Variants in CLUAP1 observed in about 807,000 individuals in gnomAD.
The protein encoded by CLUAP1 is intraflagellar transport 38.
In CLUAP1, 50 loss-of-function variants were observed where a neutral mutation model predicts 55.0. The ratio of observed to expected loss-of-function variants is 0.91; its 90% CI spans 0.72 to 1.15. The LOEUF (loss-of-function observed/expected upper bound fraction) is 1.15. Ranked by LOEUF, CLUAP1 falls within the 50% of genes most tolerant of loss-of-function variation. CLUAP1 has a pLI of 0.00. For synonymous variants in CLUAP1, 195 were observed against 175.4 expected (o/e 1.11, Z -0.88); for missense variants, 530 against 507.6 (o/e 1.04, Z -0.42).
Position 3,532,861 on chromosome 16 carries a change from CAG to C in CLUAP1, c.1092+21_1092+22del. 3 of 1,613,608 alleles carry C rather than the reference CAG, an allele frequency of 1.9e-6. No individual in the cohort carries two copies. In the South Asian group the frequency reaches 3.3e-5, roughly 18 times the overall value. On this transcript the variant is annotated intron_variant, in intron 11 of 11. Coordinates refer to ENST00000576634, the MANE Select transcript of CLUAP1 (RefSeq NM_015041.3). ...GACAATGTAAGTCCCCCGCTCCCCT[CAG>C]TGGTTCTGTGCACTCTGGGTTTGGC...
intron 2 of CLUAP1, among the ~76,000 whole-genome samples, chr16:3,505,570 A>G (rs938964418): frequency 1.8e-4 from 27 of 147,420 alleles, no homozygotes; most frequent in Admixed American, 4.7e-4. Flanking sequence ...AAAAAAAAAA[A>G]TCAGTGGAGT....
chr16:3,529,633 TTATTATA>T lies in CLUAP1; in HGVS notation c.929-921_929-915del, dbSNP rs1168500649. 5.7e-3 allele frequency among the ~76,000 whole-genome samples: 71 copies of T among 12,352 alleles called. 5 individuals are homozygous for T. The highest frequency in any genetic ancestry group is 0.029 in the African/African-American group (65 of 2,274). The allele number at this position is 12,352 out of a possible 152,430, so 8.1% of individuals were successfully genotyped here. A position where few individuals can be genotyped will look rare whatever the true frequency, so the allele number is the denominator to read the frequency against. On this transcript the variant is annotated intron_variant, in intron 9 of 11. Transcript: ENST00000576634. ...ATTATATAATATTATATATTATATA[TTATTATA>T]TATTATATATTATTATATATTATAT...
intron 2 of CLUAP1, 55 bp from the exon 3 acceptor site, chr16:3,506,276 T>C: frequency 7.1e-7 from 1 of 1,405,946 alleles, no homozygotes; most frequent in Admixed American, 1.7e-5. Flanking sequence ...ACATTCTCTT[T>C]AGTAGACTTT....
At chr16:3,497,918 A>G (rs753885171), upstream of CLUAP1, among the ~76,000 whole-genome samples, 7 of 152,090 alleles carry the variant, frequency 4.6e-5, no homozygotes, top group Non-Finnish European at 8.8e-5. Context: ...CCACCTCCCA[A>G]AGTGCTGGGG....
Position 3,507,680 on chromosome 16 carries a change from TTGTGTGTGTGTGTG to T in CLUAP1, c.220-584_220-571del, listed in dbSNP as rs61672090. On this transcript the variant is annotated intron_variant, in intron 3 of 11. Coordinates refer to ENST00000576634, the MANE Select transcript of CLUAP1 (RefSeq NM_015041.3). ...CACTATTTTAAATCTCTTCCAGAGT[TTGTGTGTGTGTGTG>T]TGTGTGTGTGTGTGTGTGTGTGTGC... Among the ~76,000 whole-genome samples the T allele has an allele frequency of 9.3e-4, 133 of 143,082 alleles. 1 individual carries two copies. Among genetic ancestry groups the T allele is most frequent in the Middle Eastern group, 3.4e-3 (1 of 290 alleles). The allele number at this position is 143,082 out of a possible 152,430, so 93.9% of individuals were successfully genotyped here.
rs755545154 is a variant in CLUAP1, at chr16:3,519,877, G to T, written c.580-26G>T. On this transcript the variant is annotated intron_variant, in intron 6 of 11. Coordinates refer to ENST00000576634, the MANE Select transcript of CLUAP1 (RefSeq NM_015041.3). The stretch of plus-strand genomic sequence containing the variant: ...GGATGGCTGTTTTTATTGCCACCTT[G>T]TCTCATTATTTCCCATTAAATATAG... 9 of 1,561,240 alleles carry T rather than the reference G, an allele frequency of 5.8e-6. No homozygotes were observed. The South Asian group carries it at 1.1e-4, about 19-fold the overall frequency.
rs932903400 is a variant in CLUAP1 at position 3,533,328 on chromosome 16, C to T, written c.1092+487C>T. 6.8e-5 allele frequency: 41 copies of T among 600,334 alleles called. No individual in the cohort carries two copies. In the Middle Eastern group the frequency reaches 1.3e-3, roughly 20 times the overall value. 37.2% of individuals were successfully genotyped at this position (600,334 alleles called of 1,614,324 possible). On this transcript the variant is annotated intron_variant, in intron 11 of 11. Transcript: ENST00000576634. ...GAAGGCCCCTGTGCTAAAGTGGAGG[C>T]GCAGGCACGGAGCCTGGAGGCGGGG... is the stretch of plus-strand genomic sequence containing the variant.
At position 3,535,915 on chromosome 16, in the gene CLUAP1, T is replaced by A. The variant is rs947124931; in HGVS notation, c.1093-207T>A. 8.5e-6 allele frequency: 5 copies of A among 589,870 alleles called. No individual in the cohort carries two copies. The African/African-American group carries it at 9.3e-5, about 11-fold the overall frequency. 36.5% of individuals were successfully genotyped at this position (589,870 alleles called of 1,614,324 possible). A position where few individuals can be genotyped will look rare whatever the true frequency, so the allele number is the denominator to read the frequency against. On this transcript the variant is annotated intron_variant, in intron 11 of 11. Transcript: ENST00000576634. ...ACCACACCCAGATGCACCTGCAGTT[T>A]GGAGGATTCTGGTTGGATGATAAAT...
intron 3 of CLUAP1, among the ~76,000 whole-genome samples, chr16:3,507,679 T>TG (rs1491413265): frequency 2.3e-4 from 31 of 132,054 alleles, no homozygotes; most frequent in East Asian, 8.7e-4. Flanking sequence ...TCTTCCAGAG[T>TG]TTGTGTGTGT....
chr16:3,501,088 C>G lies in CLUAP1; in HGVS notation c.21C>G (p.Arg7=). The change falls in exon 1 of 12, where the codon CGC becomes CGG. Residue 7 remains arginine, a splice_region_variant and synonymous_variant. Coordinates refer to ENST00000576634, the MANE Select transcript of CLUAP1 (RefSeq NM_015041.3). ...GCGTTATGTCTTTCCGCGACCTCCG[C>G]AGTAAGGCAGCCCCGCGCCCCTGTG... MSFRDL[R]NFTEMMRALG... 1 of 1,595,190 alleles carries G rather than the reference C, an allele frequency of 6.3e-7. No individual in the cohort carries two copies. The highest frequency in any genetic ancestry group is 1.1e-5 in the South Asian group (1 of 89,392).
intron 4 of CLUAP1, among the ~76,000 whole-genome samples, chr16:3,511,817 G>T (rs74005825): frequency 0.066 from 10,024 of 152,276 alleles, 708 homozygotes; most frequent in African/African-American, 0.17. Flanking sequence ...AACTGGGGAA[G>T]CACATGTTTG....
chr16:3,531,850 T>C (rs1359537622), intron 10 of CLUAP1, among the ~76,000 whole-genome samples: 2 of 152,058 alleles, frequency 1.3e-5, no homozygotes, highest in African/African-American at 4.8e-5. Flanking sequence ...AATTTTTTTT[T>C]TTTTTCTTTT....
Position 3,506,319 on chromosome 16 carries a change from C to T in CLUAP1, c.135-12C>T, listed in dbSNP as rs1426324390. ...GTTAACCCGTGCTCTCTCCTCTTACCTCTCTTGATAGATATGAGCCCCAGA... is the reference window on the plus strand; with the variant it reads ...GTTAACCCGTGCTCTCTCCTCTTACTTCTCTTGATAGATATGAGCCCCAGA... On this transcript the variant is annotated splice_polypyrimidine_tract_variant and intron_variant, in intron 2 of 11. Coordinates refer to ENST00000576634, the MANE Select transcript of CLUAP1 (RefSeq NM_015041.3). The T allele has an allele frequency of 6.2e-7, 1 of 1,610,190 alleles. No individual in the cohort carries two copies. The highest frequency in any genetic ancestry group is 8.5e-7 in the Non-Finnish European group (1 of 1,176,472).
chr16:3,508,242 T>C, intron 3 of CLUAP1, 47 bp from the exon 4 acceptor site: 4 of 1,540,332 alleles, frequency 2.6e-6, no homozygotes, highest in Non-Finnish European at 3.5e-6. Context: ...GTTTAGACAT[T>C]ACATGGAAAG....
intron 9 of CLUAP1, among the ~76,000 whole-genome samples, chr16:3,528,839 A>G (rs76647063): frequency 0.013 from 2,030 of 152,144 alleles, 51 homozygotes; most frequent in African/African-American, 0.047. Context: ...CATTTGTGGA[A>G]AAGACTATTA....
At chr16:3,516,518 G>A (rs1234657609) in intron 6 of CLUAP1, among the ~76,000 whole-genome samples, 1 of 152,086 alleles carries the variant, frequency 6.6e-6, no homozygotes, top group Non-Finnish European at 1.5e-5. Context: ...GGATAATGGA[G>A]CCACGTTCCT....
upstream of CLUAP1, chr16:3,496,382 C>T (rs1011113916): frequency 5.8e-6 from 7 of 1,201,018 alleles, no homozygotes; most frequent in African/African-American, 6.1e-5. Flanking sequence ...CAACCGGCCA[C>T]CTCTGTCCGT....
chr16:3,518,094 C>T (rs1048055254), intron 6 of CLUAP1, among the ~76,000 whole-genome samples: 5 of 152,092 alleles, frequency 3.3e-5, no homozygotes, highest in African/African-American at 4.8e-5. Context: ...AGGAAATACA[C>T]GCTAAAGTAT....
upstream of CLUAP1, chr16:3,500,905 G>A (rs957951427): frequency 1.4e-6 from 1 of 732,296 alleles, no homozygotes. Flanking sequence ...CGCTCTCCCC[G>A]TGCGTATGCA....
Sources: gnomAD v4.1 joint callset for allele counts (sites outside exome capture counted in the v4.1 genomes callset) on GRCh38, gnomAD v4.1.1 for gene constraint, MANE v1.5 for transcripts, NCBI Gene and HGNC (gene_info 2026-07-23, HGNC 2026-07-21) for gene names.